WWTR1: variants seen among roughly 807,000 people sequenced by gnomAD.
The protein encoded by WWTR1 is WW domain-containing transcription regulator protein 1.
In WWTR1, 13 loss-of-function variants were observed where a neutral mutation model predicts 40.1. The ratio of observed to expected loss-of-function variants is 0.32; its 90% CI spans 0.21 to 0.52. WWTR1 has a LOEUF of 0.52. Ranked by LOEUF, WWTR1 falls within the 20% of genes least tolerant of loss-of-function variation. The probability of loss-of-function intolerance (pLI) is 0.97; values close to 1 mark genes in which losing one functional copy is unlikely to be tolerated. For missense variants in WWTR1, 436 were observed against 523.1 expected (o/e 0.83, Z 1.63); for synonymous variants, 230 against 210.1 (o/e 1.09, Z -0.82).
chr3:149,602,496 C>T (rs951707273), intron 2 of WWTR1, among the ~76,000 whole-genome samples: 5 of 152,200 alleles, frequency 3.3e-5, no homozygotes, highest in African/African-American at 1.2e-4. Context: ...CATTCCGACT[C>T]AGTCTCACAG....
intron 3 of WWTR1, among the ~76,000 whole-genome samples, chr3:149,563,281 C>A: frequency 6.6e-6 from 1 of 152,150 alleles, no homozygotes; most frequent in East Asian, 1.9e-4. Flanking sequence ...TAAAAGGCCT[C>A]CCTCTTCCCC....
chr3:149,563,164 A>G (rs2107978799), intron 3 of WWTR1, among the ~76,000 whole-genome samples: 2 of 152,322 alleles, frequency 1.3e-5, no homozygotes, highest in Admixed American at 1.3e-4. Flanking sequence ...AGCTCGGTGA[A>G]GAAATTAGAC....
At chr3:149,663,682 C>T (rs1242350122) in intron 2 of WWTR1, among the ~76,000 whole-genome samples, 2 of 152,016 alleles carry the variant, frequency 1.3e-5, no homozygotes, top group Admixed American at 6.5e-5. Context: ...TGCAACAGAG[C>T]GAGACTCCAT....
rs1475678149 is a variant in WWTR1 at position 149,562,608 on chromosome 3, C to A, written c.568+10256G>T. ...TTCTGCCTTAAAATACAGACACACA[C>A]ACACACACACACACACACACACACA... On this transcript the variant is annotated intron_variant, in intron 3 of 6. Coordinates refer to ENST00000360632, the MANE Select transcript of WWTR1 (RefSeq NM_015472.6). Among the ~76,000 whole-genome samples the A allele has an allele frequency of 6.5e-5, 6 of 92,580 alleles. No individual in the cohort carries two copies. In the East Asian group the frequency reaches 5.1e-3, roughly 79 times the overall value. The allele number at this position is 92,580 out of a possible 152,430, so 60.7% of individuals were successfully genotyped here.
chr3:149,539,030 T>A (rs989946953), intron 4 of WWTR1, among the ~76,000 whole-genome samples: 9 of 152,236 alleles, frequency 5.9e-5, no homozygotes, highest in Admixed American at 3.3e-4. Flanking sequence ...AGATTTGTAA[T>A]CAAAGTTTCC....
At chr3:149,723,185 C>CTTTTTTTTTTT (rs35573546) in intron 4 of WWTR1, among the ~76,000 whole-genome samples, 104 of 101,756 alleles carry the variant, frequency 1.0e-3, no homozygotes, top group African/African-American at 1.9e-3. Flanking sequence ...CTTTTCTTTT[C>CTTTTTTTTTTT]TTTTTTTTTT....
At chr3:149,565,152 G>A (rs931380367) in intron 3 of WWTR1, among the ~76,000 whole-genome samples, 15 of 152,050 alleles carry the variant, frequency 9.9e-5, no homozygotes, top group East Asian at 3.9e-4. Flanking sequence ...ACACCACTGC[G>A]CTCCAGCCAG....
chr3:149,692,570 C>G (rs1449162493), intron 1 of WWTR1, among the ~76,000 whole-genome samples: 19 of 152,136 alleles, frequency 1.2e-4, no homozygotes. Flanking sequence ...AAACTGAAAG[C>G]CTTTCCTCTA....
At chr3:149,570,298 G>A (rs771759760) in intron 3 of WWTR1, among the ~76,000 whole-genome samples, 21 of 152,140 alleles carry the variant, frequency 1.4e-4, no homozygotes, top group Non-Finnish European at 2.4e-4. Context: ...GCTGGGTGCC[G>A]GGTCTCACGC....
At chr3:149,611,682 C>G (rs1433077768) in intron 2 of WWTR1, among the ~76,000 whole-genome samples, 1 of 152,150 alleles carries the variant, frequency 6.6e-6, no homozygotes, top group African/African-American at 2.4e-5. Context: ...GAATGGGGTA[C>G]AGGATATGAG....
Position 149,618,320 on chromosome 3 carries a change from G to A in WWTR1, c.431+38556C>T, listed in dbSNP as rs114173306. On this transcript the variant is annotated intron_variant, in intron 2 of 6. Coordinates refer to ENST00000360632, the MANE Select transcript of WWTR1 (RefSeq NM_015472.6). ...CCAACAGATACATCCGGGCATGCTGGTGGGGTCAGCAGACACTGAGGCGCT... is the reference window on the plus strand; with the variant it reads ...CCAACAGATACATCCGGGCATGCTGATGGGGTCAGCAGACACTGAGGCGCT... Among the ~76,000 whole-genome samples the A allele has an allele frequency of 8.0e-3, 1,219 of 152,304 alleles. 19 individuals are homozygous for A. The highest frequency in any genetic ancestry group is 0.027 in the African/African-American group (1,116 of 41,552).
intron 3 of WWTR1, among the ~76,000 whole-genome samples, chr3:149,571,325 C>T (rs181329671): frequency 5.0e-4 from 66 of 131,396 alleles, no homozygotes; most frequent in South Asian, 2.2e-3. Context: ...TTAGAATTTT[C>T]GATGAAAATT....
intron 4 of WWTR1, among the ~76,000 whole-genome samples, chr3:149,722,742 T>C (rs2108239283): frequency 6.6e-6 from 1 of 152,054 alleles, no homozygotes; most frequent in African/African-American, 2.4e-5. Flanking sequence ...TCCTCAGACT[T>C]GATAATTTTC....
chr3:149,574,143 A>C (rs1553794116), intron 2 of WWTR1, among the ~76,000 whole-genome samples: 1 of 151,490 alleles, frequency 6.6e-6, no homozygotes, highest in Non-Finnish European at 1.5e-5. Context: ...CAATCTTCCC[A>C]CCTTGGCCTA....
At chr3:149,645,108 C>T (rs1186840341) in intron 2 of WWTR1, among the ~76,000 whole-genome samples, 1 of 147,130 alleles carries the variant, frequency 6.8e-6, no homozygotes, top group Non-Finnish European at 1.5e-5. Context: ...GAGACGGAGT[C>T]TCGATCTGTC....
intron 3 of WWTR1, among the ~76,000 whole-genome samples, chr3:149,559,069 A>C (rs1175656622): frequency 6.6e-6 from 1 of 152,124 alleles, no homozygotes; most frequent in Non-Finnish European, 1.5e-5. Flanking sequence ...CAAGGCAGGC[A>C]GATCACCTGA....
At chr3:149,638,027 C>T (rs1346591674) in intron 2 of WWTR1, among the ~76,000 whole-genome samples, 1 of 152,028 alleles carries the variant, frequency 6.6e-6, no homozygotes, top group Non-Finnish European at 1.5e-5. Context: ...ACCAGCCTGA[C>T]CAATATGGTG....
intron 3 of WWTR1, among the ~76,000 whole-genome samples, chr3:149,572,566 A>G (rs1737687848): frequency 6.6e-6 from 1 of 152,164 alleles, no homozygotes; most frequent in Non-Finnish European, 1.5e-5. Flanking sequence ...GTAACACGGT[A>G]TTGCAGCCAA....
At chr3:149,651,337 T>C (rs1712851990) in intron 2 of WWTR1, among the ~76,000 whole-genome samples, 1 of 151,764 alleles carries the variant, frequency 6.6e-6, no homozygotes, top group African/African-American at 2.4e-5. Context: ...ACCAAAAAAA[T>C]AGGAAGACAC....
Sources: gnomAD v4.1 joint callset for allele counts (sites outside exome capture counted in the v4.1 genomes callset) on GRCh38, gnomAD v4.1.1 for gene constraint, MANE v1.5 for transcripts, NCBI Gene and HGNC (gene_info 2026-07-23, HGNC 2026-07-21) for gene names.